Variants in ITPKA observed in about 807,000 individuals in gnomAD.
The protein encoded by ITPKA is IP3 3-kinase A.
In ITPKA, 16 loss-of-function variants were observed where a neutral mutation model predicts 40.7. That is an observed-to-expected ratio of 0.39 (90% CI 0.27 to 0.60). The LOEUF is 0.60. ITPKA is among the 20% of genes least tolerant of loss of function. ITPKA has a pLI of 0.50. For synonymous variants in ITPKA, 313 were observed against 289.9 expected (o/e 1.08, Z -0.81); for missense variants, 540 against 649.3 (o/e 0.83, Z 1.83).
At chr15:41,498,978 T>A (rs1566857382) in intron 1 of ITPKA, among the ~76,000 whole-genome samples, 1 of 152,148 alleles carries the variant, frequency 6.6e-6, no homozygotes, top group Non-Finnish European at 1.5e-5. Flanking sequence ...TCCCCTTGAT[T>A]TCCTTCTGTA....
At position 41,501,647 on chromosome 15, in the gene ITPKA, C is replaced by T. The variant is rs1361431144; in HGVS notation, c.599C>T (p.Ala200Val). 1 of 1,606,986 alleles carries T rather than the reference C, an allele frequency of 6.2e-7. No individual in the cohort carries two copies. The highest frequency in any genetic ancestry group is 8.5e-7 in the Non-Finnish European group (1 of 1,177,502). ...QLAGHTGSFK[A>V]AGTSGLILKR... ...TGCCGGTCCTCAGGGAGTTTTAAGG[C>T]GGCGGGCACCAGCGGGCTGATCCTG... Residue 200 changes from alanine to valine, a missense_variant, in exon 3 of 7, where the codon GCG becomes GTG. Physicochemically the swap from Ala to Val is moderately conservative, Grantham distance 64. Coordinates refer to ENST00000260386, the MANE Select transcript of ITPKA (RefSeq NM_002220.3).
intron 1 of ITPKA, among the ~76,000 whole-genome samples, chr15:41,498,395 A>G (rs2051088771): frequency 1.3e-5 from 2 of 152,042 alleles, no homozygotes; most frequent in Non-Finnish European, 2.9e-5. Flanking sequence ...TGAGATGCAG[A>G]AAACCAAGGT....
chr15:41,494,401 C>T lies in ITPKA; in HGVS notation c.474C>T (p.Gly158=). 2 of 1,476,104 alleles carry T rather than the reference C, an allele frequency of 1.4e-6. No homozygotes were observed. The highest frequency in any genetic ancestry group is 9.0e-7 in the Non-Finnish European group (1 of 1,114,766). 91.4% of individuals were successfully genotyped at this position (1,476,104 alleles called of 1,614,324 possible). A position where few individuals can be genotyped will look rare whatever the true frequency, so the allele number is the denominator to read the frequency against. ...RSRGNVQLEA[G]EDVGQKNHWQ... ...GCGGCAACGTGCAGCTGGAAGCGGGCGAGGACGTGGGTCAGGTACGGGCCG... is the reference window on the plus strand; with the variant it reads ...GCGGCAACGTGCAGCTGGAAGCGGGTGAGGACGTGGGTCAGGTACGGGCCG... The change falls in exon 1 of 7, where the codon GGC becomes GGT. Residue 158 remains glycine (G), a synonymous_variant. Transcript: ENST00000260386. This position sits in a 1 kb window ranked among gnomAD's most constrained non-coding sequence, Gnocchi z 7.8.
At position 41,502,749 on chromosome 15, in the gene ITPKA, T is replaced by C. The variant is rs775512284; in HGVS notation, c.1111-39T>C. 8.4e-6 allele frequency: 13 copies of C among 1,543,264 alleles called. No homozygotes were observed. In the South Asian group the frequency reaches 1.3e-4, roughly 15 times the overall value. ...CGTTAGCAGGGGCTCATTTGGCGTT[T>C]AGTTAATTTGCCCTCCTCTCCCACC... On this transcript the variant is annotated intron_variant, in intron 5 of 6. Transcript: ENST00000260386.
At chr15:41,502,935 C>T (rs1309097687) in intron 6 of ITPKA, 28 bp from the exon 7 acceptor site, 3 of 1,597,394 alleles carry the variant, frequency 1.9e-6, no homozygotes, top group African/African-American at 1.3e-5. Flanking sequence ...CTGGGCAGGG[C>T]CGCGGCCTGA....
At chr15:41,496,325 GCGGC>G (rs2051070949) in intron 1 of ITPKA, among the ~76,000 whole-genome samples, 3 of 152,164 alleles carry the variant, frequency 2.0e-5, no homozygotes, top group African/African-American at 7.2e-5. Flanking sequence ...CCCCTTACGC[GCGGC>G]CCAGGCAGGC....
intron 1 of ITPKA, among the ~76,000 whole-genome samples, chr15:41,498,443 G>A (rs1426447489): frequency 1.3e-5 from 2 of 152,124 alleles, no homozygotes; most frequent in Non-Finnish European, 2.9e-5. Flanking sequence ...ACCCCTGCTT[G>A]GGAGCAGGTC....
In ITPKA at chr15:41,502,484, A is replaced by G. The variant is rs760217128; in HGVS notation, c.1091A>G (p.Gln364Arg). The change falls in exon 5 of 7, where the codon CAA becomes CGA. Residue 364 changes from glutamine to arginine, a missense_variant. Coordinates refer to ENST00000260386, the MANE Select transcript of ITPKA (RefSeq NM_002220.3). ...QVLRVFEEFV[Q>R]GDEEVLRRYL... ...CTTCGCGTCTTTGAAGAGTTTGTGC[A>G]AGGAGATGAGGAAGTGCTGGTGAGA... 1.0e-5 allele frequency: 16 copies of G among 1,593,354 alleles called. No homozygotes were observed. The East Asian group carries it at 3.6e-4, about 36-fold the overall frequency.
intron 1 of ITPKA, among the ~76,000 whole-genome samples, chr15:41,496,852 CCCA>C (rs2051076031): frequency 6.6e-6 from 1 of 152,178 alleles, no homozygotes; most frequent in Admixed American, 6.5e-5. Flanking sequence ...GATTGCTCTT[CCCA>C]CCACCACGAC....
rs1211635872 is a variant in ITPKA, at chr15:41,503,056, G to A, written c.1276G>A (p.Gly426Ser). Residue 426 changes from glycine to serine, a missense_variant, in exon 7 of 7, where the codon GGC becomes AGC. Coordinates refer to ENST00000260386, the MANE Select transcript of ITPKA (RefSeq NM_002220.3). ...CGGCAAGACCACGCCCCTCCCCGAT[G>A]GCCAGATCCTGGACCACCGGCGGCC... ...DFGKTTPLPD[G>S]QILDHRRPWE... 1 of 1,610,268 alleles carries A rather than the reference G, an allele frequency of 6.2e-7. No individual in the cohort carries two copies. Among genetic ancestry groups the A allele is most frequent in the Non-Finnish European group, 8.5e-7 (1 of 1,177,512 alleles).
intron 1 of ITPKA, among the ~76,000 whole-genome samples, chr15:41,498,306 CAA>C (rs761859856): frequency 7.7e-4 from 57 of 73,658 alleles, no homozygotes; most frequent in Admixed American, 1.3e-3. Flanking sequence ...GACCTTGTCT[CAA>C]AAAAAAAAAA....
chr15:41,494,117 G>T lies in ITPKA; in HGVS notation c.190G>T (p.Gly64Ter). 1 of 1,400,582 alleles carries T rather than the reference G, an allele frequency of 7.1e-7. No individual in the cohort carries two copies. Among genetic ancestry groups the T allele is most frequent in the Non-Finnish European group, 9.3e-7 (1 of 1,076,040 alleles). 86.8% of individuals were successfully genotyped at this position (1,400,582 alleles called of 1,614,324 possible). ...PRARGAKRRG[G>*]QVPNGLPRAP... The stretch of plus-strand genomic sequence containing the variant: ...GGCCCGCGGGGCCAAGCGGCGTGGG[G>T]GACAGGTCCCCAACGGGCTTCCGCG... The change falls in exon 1 of 7, where the codon GGA (glycine) becomes TGA (stop). Residue 64 changes from glycine (G) to a stop codon, truncating the protein, a stop_gained. Transcript: ENST00000260386. LOFTEE classifies it high-confidence loss of function. The surrounding 1 kb of genome is among the most constrained non-coding windows in gnomAD (Gnocchi z 7.8).
rs1220632544 is a variant in ITPKA, at chr15:41,494,944, G to A, written c.489+528G>A. 2.6e-5 allele frequency among the ~76,000 whole-genome samples: 4 copies of A among 152,232 alleles called. No homozygotes were observed. The highest frequency in any genetic ancestry group is 9.6e-5 in the African/African-American group (4 of 41,474). The stretch of plus-strand genomic sequence containing the variant: ...CCCAGCGCCCGCACGAGGCGTGGAC[G>A]CAGGGGAGGGAGGGGCGTGGGCCTG... On this transcript the variant is annotated intron_variant, in intron 1 of 6. Transcript: ENST00000260386. The surrounding 1 kb of genome is among the most constrained non-coding windows in gnomAD (Gnocchi z 7.8).
At position 41,501,570 on chromosome 15, in the gene ITPKA, G is replaced by A; in HGVS notation, c.586+11G>A. On this transcript the variant is annotated intron_variant, in intron 2 of 6. Coordinates refer to ENST00000260386, the MANE Select transcript of ITPKA (RefSeq NM_002220.3). ...TGGCAGGGCACACTGGTGAGCAGTG[G>A]GGCGGGTGGGCGGGTGCCCGCGACG... 6.7e-7 allele frequency: 1 copy of A among 1,489,644 alleles called. No homozygotes were observed. The allele number at this position is 1,489,644 out of a possible 1,614,324, so 92.3% of individuals were successfully genotyped here. A position where few individuals can be genotyped will look rare whatever the true frequency, so the allele number is the denominator to read the frequency against.
intron 1 of ITPKA, among the ~76,000 whole-genome samples, chr15:41,499,679 AC>A (rs1042396858): frequency 6.6e-6 from 1 of 152,132 alleles, no homozygotes; most frequent in African/African-American, 2.4e-5. Flanking sequence ...TGGGGGTACA[AC>A]ATGTGTAACT....
At position 41,495,978 on chromosome 15, in the gene ITPKA, C is replaced by A. The variant is rs373418264; in HGVS notation, c.489+1562C>A. Among the ~76,000 whole-genome samples, 10 of 152,380 alleles carry A rather than the reference C, an allele frequency of 6.6e-5. No homozygotes were observed. The East Asian group carries it at 1.4e-3, about 21-fold the overall frequency. On this transcript the variant is annotated intron_variant, in intron 1 of 6. Coordinates refer to ENST00000260386, the MANE Select transcript of ITPKA (RefSeq NM_002220.3). Reference sequence around the variant, plus strand: ...AGCCTCGGGGACCTGGGCGACCCCGCCGCCCTCCGAGCCGTCGGGAGCCGG... The same window carrying A: ...AGCCTCGGGGACCTGGGCGACCCCGACGCCCTCCGAGCCGTCGGGAGCCGG...
Position 41,493,877 on chromosome 15 carries a change from C to T in ITPKA, c.-51C>T. ...GCCGGGGGCGCCGAGCCGCTCCAGT[C>T]CCCGGCGCGCCGCGGGCTGGTGGGC... On this transcript the variant is annotated 5_prime_UTR_variant, in exon 1 of 7. Transcript: ENST00000260386. The T allele has an allele frequency of 3.0e-6, 3 of 993,602 alleles. No homozygotes were observed. The highest frequency in any genetic ancestry group is 3.6e-6 in the Non-Finnish European group (3 of 836,528). 61.5% of individuals were successfully genotyped at this position (993,602 alleles called of 1,614,324 possible).
At chr15:41,501,920 G>T in intron 3 of ITPKA, 69 bp downstream of exon 3, 1 of 1,590,224 alleles carries the variant, frequency 6.3e-7, no homozygotes, top group South Asian at 1.1e-5. Context: ...GCTGCTTGAG[G>T]GGGACCCGGG....
intron 1 of ITPKA, among the ~76,000 whole-genome samples, chr15:41,498,435 C>T (rs184506032): frequency 6.6e-6 from 1 of 152,204 alleles, no homozygotes; most frequent in East Asian, 1.9e-4. Context: ...ACCATTTTAC[C>T]CCTGCTTGGG....
Sources: gnomAD v4.1 joint callset for allele counts (sites outside exome capture counted in the v4.1 genomes callset) on GRCh38, gnomAD v4.1.1 for gene constraint, Gnocchi (gnomAD v3.1) non-coding constraint, MANE v1.5 for transcripts, NCBI Gene and HGNC (gene_info 2026-07-23, HGNC 2026-07-21) for gene names.